Variants in SPTY2D1 observed in about 807,000 individuals in gnomAD.
SPTY2D1 encodes protein SPT2 homolog.
SPTY2D1 carries 21 observed loss-of-function variants against 64.0 expected under a neutral mutation model. The ratio of observed to expected loss-of-function variants is 0.33; its 90% CI spans 0.23 to 0.47. SPTY2D1 has a LOEUF of 0.47. Ranked by LOEUF, SPTY2D1 falls within the 20% of genes least tolerant of loss-of-function variation. SPTY2D1 has a pLI of 1.00. For synonymous variants in SPTY2D1, 287 were observed against 286.8 expected (o/e 1.00, Z -0.01); for missense variants, 724 against 837.2 (o/e 0.86, Z 1.67).
In SPTY2D1 at chr11:18,615,227, G is replaced by A; in HGVS notation, c.1047C>T (p.Ser349=). 1.9e-6 allele frequency: 3 copies of A among 1,614,226 alleles called. No individual in the cohort carries two copies. The highest frequency in any genetic ancestry group is 2.5e-6 in the Non-Finnish European group (3 of 1,180,040). Residue 349 remains serine, a synonymous_variant, in exon 3 of 6, where the codon AGC becomes AGT. Coordinates refer to ENST00000336349, the MANE Select transcript of SPTY2D1 (RefSeq NM_194285.3). ...TGACCATGGGCCCAGGCCTGGAATG[G>A]CTAGGATGGGACAGAGATTTTTTGG... The part of the protein sequence containing the change: ...HKAKKSLSHP[S]HSRPGPMVTP...
chr11:18,614,926 T>C lies in SPTY2D1; in HGVS notation c.1348A>G (p.Ser450Gly). The change falls in exon 3 of 6, where the codon AGT becomes GGT. Residue 450 changes from serine (S) to glycine (G), a missense_variant. Ser to Gly is a moderately conservative substitution (Grantham distance 56, BLOSUM62 0). Coordinates refer to ENST00000336349, the MANE Select transcript of SPTY2D1 (RefSeq NM_194285.3). ...GGTCTTGCAGAACTAACTGAACCAC[T>C]GATGGGTCGCCCAGGGCCACCTGAG... ...SSSGGPGRPI[S>G]GSVSSARPLG... 6.2e-7 allele frequency: 1 copy of C among 1,613,272 alleles called. No individual in the cohort carries two copies. Among genetic ancestry groups the C allele is most frequent in the Non-Finnish European group, 8.5e-7 (1 of 1,179,274 alleles).
intron 1 of SPTY2D1, among the ~76,000 whole-genome samples, chr11:18,625,900 C>A (rs1193769478): frequency 6.6e-6 from 1 of 151,386 alleles, no homozygotes; most frequent in Non-Finnish European, 1.5e-5. Flanking sequence ...ACTGCAACCT[C>A]CACCTCCTGG....
Position 18,620,129 on chromosome 11 carries a change from A to G in SPTY2D1, c.61-3140T>C, listed in dbSNP as rs78732800. ...CAGTCATTTGCATACTACCTTTATG[A>G]TTTTTGCCTTTGTGGTATACTACCC... On this transcript the variant is annotated intron_variant, in intron 1 of 5. Coordinates refer to ENST00000336349, the MANE Select transcript of SPTY2D1 (RefSeq NM_194285.3). 8.9e-4 allele frequency among the ~76,000 whole-genome samples: 136 copies of G among 152,264 alleles called. 1 individual carries two copies. In the East Asian group the frequency reaches 0.023, roughly 25 times the overall value.
chr11:18,623,528 G>A (rs1049931557), intron 1 of SPTY2D1, among the ~76,000 whole-genome samples: 1 of 152,162 alleles, frequency 6.6e-6, no homozygotes, highest in Non-Finnish European at 1.5e-5. Context: ...GCATTACTGT[G>A]AAGGTATTTT....
chr11:18,606,642 T>A lies in SPTY2D1; in HGVS notation c.*3219A>T, dbSNP rs1172485541. 2.6e-6 allele frequency: 1 copy of A among 381,278 alleles called. No individual in the cohort carries two copies. Among genetic ancestry groups the A allele is most frequent in the Non-Finnish European group, 5.0e-6 (1 of 201,962 alleles). The allele number at this position is 381,278 out of a possible 1,614,324, so 23.6% of individuals were successfully genotyped here. ...CTAAACGTCTGAATATTTAATCACATCCACTCAGAAAATAAATAGTAGTCT... is the reference window on the plus strand; with the variant it reads ...CTAAACGTCTGAATATTTAATCACAACCACTCAGAAAATAAATAGTAGTCT... On this transcript the variant is annotated 3_prime_UTR_variant, in exon 6 of 6. Coordinates refer to ENST00000336349, the MANE Select transcript of SPTY2D1 (RefSeq NM_194285.3).
In SPTY2D1 at chr11:18,616,077, T is replaced by C; in HGVS notation, c.197A>G (p.Lys66Arg). ...RRKALEEKRR[K>R]EELVKKRIEL... ...AATTCGCTTTTTCACTAGTTCCTCT[T>C]TTCTCCTTTTCTCCTCTAAGGCTAA... is the stretch of plus-strand genomic sequence containing the variant. The change falls in exon 3 of 6, where the codon AAA becomes AGA. Residue 66 changes from lysine to arginine, a missense_variant. Physicochemically the swap from Lys to Arg is conservative, Grantham distance 26. Transcript: ENST00000336349. 6.2e-7 allele frequency: 1 copy of C among 1,608,134 alleles called. No individual in the cohort carries two copies.
At chr11:18,628,215 A>G (rs909028792) in intron 1 of SPTY2D1, among the ~76,000 whole-genome samples, 2 of 152,244 alleles carry the variant, frequency 1.3e-5, no homozygotes, top group Non-Finnish European at 2.9e-5. Flanking sequence ...AAGCTTCCCC[A>G]GACCTTGCCT....
chr11:18,618,263 G>A (rs1310856728), intron 1 of SPTY2D1, among the ~76,000 whole-genome samples: 1 of 152,192 alleles, frequency 6.6e-6, no homozygotes, highest in Non-Finnish European at 1.5e-5. Context: ...ACCTTTAACT[G>A]TAGCTCTTAT....
At chr11:18,619,233 A>C (rs1854350703) in intron 1 of SPTY2D1, among the ~76,000 whole-genome samples, 1 of 152,162 alleles carries the variant, frequency 6.6e-6, no homozygotes, top group Non-Finnish European at 1.5e-5. Context: ...AAGACATACA[A>C]AAAACTCATA....
At chr11:18,631,571 G>GA in intron 1 of SPTY2D1, among the ~76,000 whole-genome samples, 1 of 62,176 alleles carries the variant, frequency 1.6e-5, no homozygotes, top group Non-Finnish European at 3.6e-5. Context: ...GAAAAGAAAA[G>GA]AAAAAGCTTT....
chr11:18,611,332 G>A, intron 5 of SPTY2D1, 145 bp downstream of exon 5: 1 of 739,094 alleles, frequency 1.4e-6, no homozygotes, highest in Non-Finnish European at 2.3e-6. Flanking sequence ...TAAGGAATTT[G>A]TCCAAGGCCC....
chr11:18,620,272 C>T (rs1199725959), intron 1 of SPTY2D1, among the ~76,000 whole-genome samples: 7 of 151,060 alleles, frequency 4.6e-5, no homozygotes, highest in South Asian at 2.1e-4. Flanking sequence ...GTCAGGGGTT[C>T]GAGACCAGCC....
intron 1 of SPTY2D1, among the ~76,000 whole-genome samples, chr11:18,628,677 C>A (rs1854538309): frequency 6.6e-6 from 1 of 152,182 alleles, no homozygotes; most frequent in Admixed American, 6.5e-5. Flanking sequence ...CCTCAAACTG[C>A]ACTCAAATAA....
chr11:18,618,838 G>A (rs2134112911), intron 1 of SPTY2D1, among the ~76,000 whole-genome samples: 1 of 152,318 alleles, frequency 6.6e-6, no homozygotes, highest in South Asian at 2.1e-4. Flanking sequence ...CAAAGCAGCT[G>A]GCCAAGGAAG....
Position 18,612,560 on chromosome 11 carries a change from T to C in SPTY2D1, c.1712-72A>G. On this transcript the variant is annotated intron_variant, in intron 3 of 5. Transcript: ENST00000336349. The surrounding 1 kb of genome is among the most constrained non-coding windows in gnomAD (Gnocchi z 4.6). ...AATGCAGTTCTATGTAAACTGAAAT[T>C]GTGAGTCATCATTAAGATGGTATCC... 1 of 1,342,466 alleles carries C rather than the reference T, an allele frequency of 7.4e-7. No homozygotes were observed. Among genetic ancestry groups the C allele is most frequent in the Non-Finnish European group, 9.9e-7 (1 of 1,005,744 alleles). The allele number at this position is 1,342,466 out of a possible 1,614,324, so 83.2% of individuals were successfully genotyped here.
rs1008521326 is a variant in SPTY2D1 at position 18,612,745 on chromosome 11, A to G, written c.1712-257T>C. On this transcript the variant is annotated intron_variant, in intron 3 of 5. Coordinates refer to ENST00000336349, the MANE Select transcript of SPTY2D1 (RefSeq NM_194285.3). This position sits in a 1 kb window ranked among gnomAD's most constrained non-coding sequence, Gnocchi z 4.6. Reference sequence around the variant, plus strand: ...GTAGTGCCAATATTTCTGAATTTATAAGATCAGTAAAATTTCTTTCTTTCT... The same window carrying G: ...GTAGTGCCAATATTTCTGAATTTATGAGATCAGTAAAATTTCTTTCTTTCT... 1.3e-5 allele frequency among the ~76,000 whole-genome samples: 2 copies of G among 152,004 alleles called. No individual in the cohort carries two copies. The highest frequency in any genetic ancestry group is 2.9e-5 in the Non-Finnish European group (2 of 67,990).
chr11:18,622,182 T>G (rs1355634746), intron 1 of SPTY2D1, among the ~76,000 whole-genome samples: 1 of 150,982 alleles, frequency 6.6e-6, no homozygotes, highest in Non-Finnish European at 1.5e-5. Flanking sequence ...AAGTTTAGGT[T>G]CACAACCTAA....
At chr11:18,622,101 A>AAAAAAAAAAAAAAAAAAAAAAAAAAAAC (rs71050618) in intron 1 of SPTY2D1, among the ~76,000 whole-genome samples, 3 of 81,368 alleles carry the variant, frequency 3.7e-5, no homozygotes, top group East Asian at 4.2e-4. Flanking sequence ...AAAAAAAAAA[A>AAAAAAAAAAAAAAAAAAAAAAAAAAAAC]AAACCAAAAC....
intron 1 of SPTY2D1, among the ~76,000 whole-genome samples, chr11:18,624,024 A>G (rs962967441): frequency 2.6e-5 from 4 of 152,154 alleles, no homozygotes; most frequent in Admixed American, 2.0e-4. Flanking sequence ...ACAAGTTTTT[A>G]TGTGGATGCA....
Sources: gnomAD v4.1 joint callset for allele counts (sites outside exome capture counted in the v4.1 genomes callset) on GRCh38, gnomAD v4.1.1 for gene constraint, Gnocchi (gnomAD v3.1) non-coding constraint, MANE v1.5 for transcripts, NCBI Gene and HGNC (gene_info 2026-07-23, HGNC 2026-07-21) for gene names.